The following SH3BP1 variants were observed in gnomAD, a reference collection of about 807,000 sequenced individuals.
The protein encoded by SH3BP1 is SH3 domain binding protein 1, also known as SH3 domain-binding protein 1.
Under a neutral mutation model 69.8 loss-of-function variants are expected in SH3BP1, and 46 were observed. The observed-to-expected ratio is 0.66, with a 90% CI of 0.52 to 0.84. The LOEUF is 0.84. Among genes scored for constraint, SH3BP1 ranks in the 40% least tolerant of loss-of-function variants. The pLI is 0.00. For synonymous variants in SH3BP1, 403 were observed against 378.0 expected, an observed-to-expected ratio of 1.07 and a Z score of -0.77; for missense variants, 868 against 930.9, an observed-to-expected ratio of 0.93 and a Z score of 0.88.
At chr22:37,649,644 CG>C (rs1569009776) in intron 14 of SH3BP1, among the ~76,000 whole-genome samples, 8 of 151,916 alleles carry the variant, frequency 5.3e-5, no homozygotes, top group Non-Finnish European at 1.0e-4. Flanking sequence ...ATTATCTGGG[CG>C]TGGTGGTACG....
chr22:37,647,381 G>A (rs1251692633), intron 12 of SH3BP1, 33 bp downstream of exon 12: 2 of 1,613,076 alleles, frequency 1.2e-6, no homozygotes, highest in East Asian at 4.5e-5. Context: ...GGGATGGGGA[G>A]GAGGAGGATG....
At chr22:37,645,069 C>G (rs903169461) in intron 9 of SH3BP1, 109 bp downstream of exon 9, 8 of 1,057,336 alleles carry the variant, frequency 7.6e-6, no homozygotes, top group Non-Finnish European at 1.1e-5. Context: ...TGGATGGGTT[C>G]TGAGAGCTAG....
rs1411942485 is a variant in SH3BP1, at chr22:37,641,112, ACC to A, written c.60-13_60-12del. The A allele has an allele frequency of 3.3e-5, 22 of 669,366 alleles. 1 individual carries two copies. The African/African-American group carries it at 4.8e-4, about 15-fold the overall frequency. The allele number at this position is 669,366 out of a possible 1,614,324, so 41.5% of individuals were successfully genotyped here. A position where few individuals can be genotyped will look rare whatever the true frequency, so the allele number is the denominator to read the frequency against. On this transcript the variant is annotated splice_polypyrimidine_tract_variant and intron_variant, in intron 1 of 17. Transcript: ENST00000649765. The stretch of plus-strand genomic sequence containing the variant: ...CAGAAGCACTCTCCCCCCCCCCCCC[ACC>A]ACTCCCCGCAGCACCCCGGAGACCG...
In SH3BP1 at chr22:37,650,662, C is replaced by T; in HGVS notation, c.1535C>T (p.Ala512Val). ...TAVPTPATTP[A>V]PAPAPAPAPA... is the part of the protein sequence containing the mutation. ...GTGCCCACCCCAGCCACCACCCCGG[C>T]TCCGGCTCCGGCTCCAGCTCCAGCT... The change falls in exon 16 of 18, where the codon GCT becomes GTT. Residue 512 changes from alanine to valine, a missense_variant. This residue lies in a region of SH3BP1 where 474 missense variants were observed against 462.3 expected (regional missense o/e 1.03). Transcript: ENST00000649765. 6.2e-7 allele frequency: 1 copy of T among 1,613,602 alleles called. No homozygotes were observed. The highest frequency in any genetic ancestry group is 8.5e-7 in the Non-Finnish European group (1 of 1,179,794).
chr22:37,653,124 G>A (rs1407706166), intron 16 of SH3BP1, among the ~76,000 whole-genome samples: 1 of 151,462 alleles, frequency 6.6e-6, no homozygotes, highest in Non-Finnish European at 1.5e-5. Context: ...GCGACAGAGC[G>A]AGACTTCTCA....
rs751783898 is a variant in SH3BP1 at position 37,643,225 on chromosome 22, A to T, written c.473+51A>T. 3 of 1,498,084 alleles carry T rather than the reference A, an allele frequency of 2.0e-6. No homozygotes were observed. In the South Asian group the frequency reaches 3.5e-5, roughly 18 times the overall value. The allele number at this position is 1,498,084 out of a possible 1,614,324, so 92.8% of individuals were successfully genotyped here. On this transcript the variant is annotated intron_variant, in intron 6 of 17. Coordinates refer to ENST00000649765, the MANE Select transcript of SH3BP1 (RefSeq NM_018957.6). ...CTCATATCTGGGTCAGCCCACAGAG[A>T]TGGTCATAGAGCTTTGAGGCCCTGG...
At position 37,655,683 on chromosome 22, in the gene SH3BP1, G is replaced by A; in HGVS notation, c.2105G>A (p.Ter702=). Reference sequence around the variant, plus strand: ...AGGAGCCTTGCCTCAGAGACCAACTGAGTGGCTGGTTTCTCCCTAAGCAGC... The same window carrying A: ...AGGAGCCTTGCCTCAGAGACCAACTAAGTGGCTGGTTTCTCCCTAAGCAGC... ...RPRSLASETN[*] The change falls in exon 18 of 18, where the codon TGA becomes TAA. Residue 702 remains the stop codon, a stop_retained_variant. Coordinates refer to ENST00000649765, the MANE Select transcript of SH3BP1 (RefSeq NM_018957.6). 1 of 1,478,086 alleles carries A rather than the reference G, an allele frequency of 6.8e-7. No homozygotes were observed. The highest frequency in any genetic ancestry group is 8.9e-7 in the Non-Finnish European group (1 of 1,118,194). 91.6% of individuals were successfully genotyped at this position (1,478,086 alleles called of 1,614,324 possible). A position where few individuals can be genotyped will look rare whatever the true frequency, so the allele number is the denominator to read the frequency against.
chr22:37,641,824 C>A, intron 3 of SH3BP1: 1 of 266,654 alleles, frequency 3.8e-6, no homozygotes, highest in South Asian at 5.6e-5. Flanking sequence ...GAGGGATACA[C>A]GTTTATTAAT....
At chr22:37,655,134 T>G (rs1344099887) in intron 17 of SH3BP1, 138 bp from the exon 18 acceptor site, 2 of 646,200 alleles carry the variant, frequency 3.1e-6, no homozygotes, top group African/African-American at 3.9e-5. Flanking sequence ...GCCTAGACGA[T>G]GAGGAGCCAG....
chr22:37,651,601 A>G (rs1932881110), intron 16 of SH3BP1, among the ~76,000 whole-genome samples: 1 of 152,024 alleles, frequency 6.6e-6, no homozygotes, highest in Non-Finnish European at 1.5e-5. Context: ...AAGTGCTGGG[A>G]TTACAGGCAT....
intron 14 of SH3BP1, 76 bp downstream of exon 14, chr22:37,648,511 C>T: frequency 9.3e-7 from 1 of 1,070,826 alleles, no homozygotes; most frequent in Non-Finnish European, 1.4e-6. Flanking sequence ...CTATTTTTCC[C>T]CGGGGCCTTG....
chr22:37,642,420 T>C (rs1222336426), intron 3 of SH3BP1, 119 bp from the exon 4 acceptor site: 2 of 877,434 alleles, frequency 2.3e-6, no homozygotes, highest in African/African-American at 1.7e-5. Context: ...GTTTCCACTC[T>C]CATCTGGGAC....
chr22:37,650,504 C>A (rs200543740), intron 15 of SH3BP1, 38 bp from the exon 16 acceptor site: 2 of 1,578,600 alleles, frequency 1.3e-6, no homozygotes, highest in Non-Finnish European at 8.6e-7. Context: ...GAGCCTGGCG[C>A]GGTCTCTGAG....
At chr22:37,641,592 T>C (rs2146043977) in intron 3 of SH3BP1, 114 bp downstream of exon 3, 2 of 856,444 alleles carry the variant, frequency 2.3e-6, no homozygotes, top group Non-Finnish European at 3.6e-6. Flanking sequence ...ACCAAGGGCA[T>C]GGAGACTGCT....
In SH3BP1 at chr22:37,639,853, G is replaced by A; in HGVS notation, c.59+7G>A. On this transcript the variant is annotated splice_region_variant and intron_variant, in intron 1 of 17. Coordinates refer to ENST00000649765, the MANE Select transcript of SH3BP1 (RefSeq NM_018957.6). ...AGACGGGCAGCTTGGGACGGTGAGT[G>A]TCACCCGCTTCCAGCCCCACTCTTA... The A allele has an allele frequency of 1.3e-6, 2 of 1,564,862 alleles. No individual in the cohort carries two copies. The highest frequency in any genetic ancestry group is 1.2e-5 in the South Asian group (1 of 84,998).
In SH3BP1 at chr22:37,639,778, C is replaced by G. The variant is rs775451002; in HGVS notation, c.-10C>G. On this transcript the variant is annotated 5_prime_UTR_variant, in exon 1 of 18. Transcript: ENST00000649765. ...CGCCGTGACCCCGCAGCCCCCAGCT[C>G]GCCCCCAAGATGATGAAGAGGCAGC... 1.3e-6 allele frequency: 2 copies of G among 1,514,304 alleles called. No individual in the cohort carries two copies. The highest frequency in any genetic ancestry group is 2.5e-5 in the South Asian group (2 of 80,332). The allele number at this position is 1,514,304 out of a possible 1,614,324, so 93.8% of individuals were successfully genotyped here. A position where few individuals can be genotyped will look rare whatever the true frequency, so the allele number is the denominator to read the frequency against.
intron 16 of SH3BP1, among the ~76,000 whole-genome samples, chr22:37,651,692 C>G (rs1024365288): frequency 1.2e-4 from 19 of 152,040 alleles, no homozygotes; most frequent in Non-Finnish European, 2.2e-4. Context: ...GCCTCCATAC[C>G]AAGCAGCTAC....
intron 14 of SH3BP1, 50 bp from the exon 15 acceptor site, chr22:37,650,102 G>A: frequency 6.3e-7 from 1 of 1,597,708 alleles, no homozygotes; most frequent in Non-Finnish European, 8.6e-7. Context: ...GCCAGCCAGA[G>A]AGTTGGGGTC....
intron 17 of SH3BP1, among the ~76,000 whole-genome samples, chr22:37,654,192 C>A (rs557979684): frequency 1.3e-5 from 2 of 152,142 alleles, no homozygotes; most frequent in South Asian, 4.1e-4. Flanking sequence ...TAAGGGGGAG[C>A]CGGCGTGAGT....
Sources: allele counts gnomAD v4.1 joint callset (sites outside exome capture counted in the v4.1 genomes callset), GRCh38; gene constraint gnomAD v4.1.1; regional missense constraint gnomAD v4.1.1; transcripts MANE v1.5; gene names NCBI Gene and HGNC (gene_info 2026-07-23, HGNC 2026-07-21).